USP34: variants seen among roughly 807,000 people sequenced by gnomAD.
USP34 encodes the protein ubiquitin carboxyl-terminal hydrolase 34.
USP34 carries 70 observed loss-of-function variants against 460.3 expected under a neutral mutation model. The ratio of observed to expected loss-of-function variants is 0.15; its 90% CI spans 0.13 to 0.19. USP34 has a LOEUF of 0.19. Ranked by LOEUF, USP34 falls within the 10% of genes least tolerant of loss-of-function variation. The pLI, the probability that USP34 is intolerant of heterozygous loss-of-function variation, is 1.00. For missense variants in USP34, 3,985 were observed against 4,236.2 expected (o/e 0.94, Z 1.65); for synonymous variants, 1,647 against 1,405.3 (o/e 1.17, Z -3.85).
intron 1 of USP34, among the ~76,000 whole-genome samples, chr2:61,449,389 G>C (rs1229345304): frequency 6.6e-6 from 1 of 151,820 alleles, no homozygotes; most frequent in African/African-American, 2.4e-5. Context: ...TCCTCAACTT[G>C]ATACACAGAT....
rs151257014 is a variant in USP34, at chr2:61,240,331, C to T, written c.6777+1229G>A. On this transcript the variant is annotated intron_variant, in intron 53 of 79. Transcript: ENST00000398571. ...TTGAGACAGTATCTCACTCTGTTGC[C>T]CAGGATGGAGTGCAGTGGTGCGATC... is the stretch of plus-strand genomic sequence containing the variant. Among the ~76,000 whole-genome samples the T allele has an allele frequency of 6.3e-3, 957 of 152,206 alleles. 9 individuals carry two copies. Among genetic ancestry groups the T allele is most frequent in the African/African-American group, 0.022 (910 of 41,532 alleles).
chr2:61,212,530 T>G (rs1687298281), intron 68 of USP34, among the ~76,000 whole-genome samples: 1 of 152,228 alleles, frequency 6.6e-6, no homozygotes, highest in Non-Finnish European at 1.5e-5. Context: ...GATGCTCAGT[T>G]CAATTTCCTG....
intron 1 of USP34, among the ~76,000 whole-genome samples, chr2:61,449,836 G>C (rs1289937810): frequency 6.6e-6 from 1 of 152,216 alleles, no homozygotes; most frequent in Admixed American, 6.6e-5. Flanking sequence ...GGGAGGCTGA[G>C]GTGGGTGGAT....
intron 41 of USP34, chr2:61,277,678 T>C (rs998006928): frequency 2.6e-5 from 4 of 152,500 alleles, no homozygotes; most frequent in African/African-American, 9.6e-5. Flanking sequence ...AATTTTTATG[T>C]CTGTATGTTT....
At position 61,188,172 on chromosome 2, in the gene USP34, C is replaced by A; in HGVS notation, c.10571G>T (p.Cys3524Phe). The A allele has an allele frequency of 6.2e-7, 1 of 1,614,144 alleles. No individual in the cohort carries two copies. Among genetic ancestry groups the A allele is most frequent in the Non-Finnish European group, 8.5e-7 (1 of 1,180,030 alleles). ...MQQHDILDTL[C>F]RTIESTIHVV... The stretch of plus-strand genomic sequence containing the variant: ...ATGGATTGTAGATTCAATGGTCCTA[C>A]ACAGGGTATCTAAAATGTCATGTTG... Residue 3524 changes from cysteine (C) to phenylalanine (F), a missense_variant, in exon 80 of 80, where the codon TGT becomes TTT. This residue lies in a region of USP34 where 506 missense variants were observed against 439.0 expected (regional missense o/e 1.15). Coordinates refer to ENST00000398571, the MANE Select transcript of USP34 (RefSeq NM_014709.4).
intron 16 of USP34, among the ~76,000 whole-genome samples, chr2:61,340,821 T>A (rs1166948320): frequency 1.3e-5 from 2 of 151,938 alleles, no homozygotes; most frequent in Non-Finnish European, 2.9e-5. Flanking sequence ...TTCATAGATA[T>A]ATAATTTTCA....
At chr2:61,265,582 G>T in intron 42 of USP34, 25 bp from the exon 43 acceptor site, 1 of 1,575,082 alleles carries the variant, frequency 6.3e-7, no homozygotes, top group Non-Finnish European at 8.6e-7. Flanking sequence ...GGGAGGAAAA[G>T]ATCCCCCCCA....
chr2:61,241,447 TCTA>T (rs1467174792), intron 53 of USP34, 110 bp downstream of exon 53: 26 of 662,022 alleles, frequency 3.9e-5, no homozygotes, highest in Non-Finnish European at 6.5e-5. Context: ...ACTCTTAAGA[TCTA>T]CTCAGAATTG....
chr2:61,294,889 T>G (rs943730628), intron 32 of USP34, 60 bp downstream of exon 32: 5 of 1,391,220 alleles, frequency 3.6e-6, no homozygotes, highest in Middle Eastern at 2.2e-4. Flanking sequence ...GGTACCCACT[T>G]TTGAAAAACT....
chr2:61,433,695 T>C (rs981694537), intron 1 of USP34, among the ~76,000 whole-genome samples: 1 of 152,068 alleles, frequency 6.6e-6, no homozygotes, highest in Non-Finnish European at 1.5e-5. Context: ...GAGCCCAATT[T>C]AGACAACTGC....
chr2:61,329,040 A>G (rs1195822600), intron 20 of USP34, among the ~76,000 whole-genome samples: 2 of 152,114 alleles, frequency 1.3e-5, no homozygotes, highest in African/African-American at 4.8e-5. Flanking sequence ...TTTGTTTTTG[A>G]GACGGAGTTT....
chr2:61,336,696 G>A (rs1406642649), intron 18 of USP34, among the ~76,000 whole-genome samples: 3 of 150,456 alleles, frequency 2.0e-5, no homozygotes, highest in East Asian at 2.0e-4. Flanking sequence ...TACATTCCCA[G>A]CTACTTGGGA....
chr2:61,265,034 G>A (rs774870499), intron 43 of USP34, among the ~76,000 whole-genome samples: 12 of 152,188 alleles, frequency 7.9e-5, no homozygotes, highest in Non-Finnish European at 1.6e-4. Context: ...TTCTCTACTT[G>A]GATTCAGGGT....
chr2:61,268,919 T>G (rs1208273939), intron 41 of USP34, among the ~76,000 whole-genome samples: 1 of 152,162 alleles, frequency 6.6e-6, no homozygotes, highest in Non-Finnish European at 1.5e-5. Flanking sequence ...ATATTTATGC[T>G]CCTTCAATTG....
At chr2:61,342,958 C>A (rs1040101842) in intron 16 of USP34, among the ~76,000 whole-genome samples, 3 of 152,170 alleles carry the variant, frequency 2.0e-5, no homozygotes, top group African/African-American at 7.2e-5. Context: ...ACAACCACAA[C>A]AGCACAACAA....
At chr2:61,389,040 G>A (rs920940311) in intron 5 of USP34, among the ~76,000 whole-genome samples, 1 of 152,140 alleles carries the variant, frequency 6.6e-6, no homozygotes, top group African/African-American at 2.4e-5. Flanking sequence ...AGAATGCATA[G>A]TATGTGATTC....
At chr2:61,387,643 TAA>T (rs570087560) in intron 5 of USP34, among the ~76,000 whole-genome samples, 3 of 146,608 alleles carry the variant, frequency 2.0e-5, no homozygotes, top group African/African-American at 5.0e-5. Context: ...CACACATATA[TAA>T]AAATATATAT....
chr2:61,344,901 A>AG (rs1210860707), intron 15 of USP34, among the ~76,000 whole-genome samples: 3 of 152,176 alleles, frequency 2.0e-5, no homozygotes, highest in African/African-American at 7.2e-5. Context: ...TCTAGAGATA[A>AG]GGCTCAGTAT....
Position 61,469,715 on chromosome 2 carries a change from A to C in USP34, c.43+935T>G, listed in dbSNP as rs142019910. 5.9e-5 allele frequency among the ~76,000 whole-genome samples: 9 copies of C among 152,392 alleles called. No homozygotes were observed. The East Asian group carries it at 1.5e-3, about 26-fold the overall frequency. Reference sequence around the variant, plus strand: ...AATCCAAAACCCACATAAACTGTTCATAAGTGAGCATTTTTTCAACAATCA... The same window carrying C: ...AATCCAAAACCCACATAAACTGTTCCTAAGTGAGCATTTTTTCAACAATCA... On this transcript the variant is annotated intron_variant, in intron 1 of 79. Coordinates refer to ENST00000398571, the MANE Select transcript of USP34 (RefSeq NM_014709.4).
Sources: allele counts gnomAD v4.1 joint callset (sites outside exome capture counted in the v4.1 genomes callset), GRCh38; gene constraint gnomAD v4.1.1; regional missense constraint gnomAD v4.1.1; transcripts MANE v1.5; gene names NCBI Gene and HGNC (gene_info 2026-07-23, HGNC 2026-07-21).